The following AUTS2 variants were observed in gnomAD, a reference collection of about 807,000 sequenced individuals.
The protein encoded by AUTS2 is autism susceptibility gene 2 protein.
AUTS2 carries 17 observed loss-of-function variants against 112.4 expected under a neutral mutation model. The ratio of observed to expected loss-of-function variants is 0.15; its 90% CI spans 0.10 to 0.23. The LOEUF is 0.23. Among genes scored for constraint, AUTS2 ranks in the 10% least tolerant of loss-of-function variants. The pLI is 1.00. For missense variants in AUTS2, 1,510 were observed against 1,701.6 expected (o/e 0.89, Z 1.98); for synonymous variants, 751 against 702.7 (o/e 1.07, Z -1.09).
intron 5 of AUTS2, among the ~76,000 whole-genome samples, chr7:70,474,906 C>T (rs922604523): frequency 1.3e-5 from 2 of 152,194 alleles, no homozygotes; most frequent in Non-Finnish European, 2.9e-5. Flanking sequence ...CTGGCTCATA[C>T]TCCTTTGGGG....
At chr7:70,414,971 T>C (rs1276134456) in intron 4 of AUTS2, among the ~76,000 whole-genome samples, 2 of 152,200 alleles carry the variant, frequency 1.3e-5, no homozygotes, top group Non-Finnish European at 2.9e-5. Context: ...AGCAAAGAGC[T>C]CACTGTTTGG....
chr7:70,210,062 G>A (rs1010421738), intron 4 of AUTS2, among the ~76,000 whole-genome samples: 7 of 152,214 alleles, frequency 4.6e-5, no homozygotes, highest in Middle Eastern at 3.4e-3. Flanking sequence ...TGGGGTATAG[G>A]AATTAAACCG....
In AUTS2 at chr7:69,995,464, G is replaced by T. The variant is rs1338919903; in HGVS notation, c.522+95966G>T. On this transcript the variant is annotated intron_variant, in intron 2 of 18. Coordinates refer to ENST00000342771, the MANE Select transcript of AUTS2 (RefSeq NM_015570.4). ...AAAAAATAGAAATTAAATACCGACT[G>T]ACTATGAAGGAGGACATTTTTCAGA... 2.6e-5 allele frequency among the ~76,000 whole-genome samples: 4 copies of T among 152,194 alleles called. No individual in the cohort carries two copies. The East Asian group carries it at 7.7e-4, about 29-fold the overall frequency.
chr7:70,476,192 T>C (rs1797575332), intron 5 of AUTS2, among the ~76,000 whole-genome samples: 1 of 152,146 alleles, frequency 6.6e-6, no homozygotes, highest in Non-Finnish European at 1.5e-5. Flanking sequence ...ACAAAGTAGA[T>C]GGTGCTAGAC....
Position 70,791,097 on chromosome 7 carries a change from G to C in AUTS2, c.*101G>C, listed in dbSNP as rs937403154. On this transcript the variant is annotated 3_prime_UTR_variant, in exon 19 of 19. Transcript: ENST00000342771. ...TGCATGGCTCACACAGACTGGGGGG[G>C]AAAGCCCCACCCCTTCCCCTTGTAA... The C allele has an allele frequency of 2.5e-6, 3 of 1,200,598 alleles. No individual in the cohort carries two copies. The highest frequency in any genetic ancestry group is 2.9e-5 in the East Asian group (1 of 34,670). The allele number at this position is 1,200,598 out of a possible 1,614,324, so 74.4% of individuals were successfully genotyped here.
At chr7:70,204,174 C>A (rs923754268) in intron 4 of AUTS2, among the ~76,000 whole-genome samples, 12 of 152,230 alleles carry the variant, frequency 7.9e-5, no homozygotes, top group African/African-American at 2.6e-4. Flanking sequence ...GCCATTTGAA[C>A]AAGGAATGTG....
At chr7:70,152,590 G>A (rs1438166797) in intron 4 of AUTS2, among the ~76,000 whole-genome samples, 1 of 152,050 alleles carries the variant, frequency 6.6e-6, no homozygotes, top group Admixed American at 6.6e-5. Context: ...GAACAGTTTT[G>A]CAAAGTTTGT....
At chr7:70,738,752 A>G (rs1010759287) in intron 6 of AUTS2, among the ~76,000 whole-genome samples, 2 of 152,154 alleles carry the variant, frequency 1.3e-5, no homozygotes, top group African/African-American at 4.8e-5. Context: ...ATTTTTCTCT[A>G]TTGGAAAGGA....
At chr7:70,415,583 A>G (rs1223261782) in intron 4 of AUTS2, among the ~76,000 whole-genome samples, 1 of 152,198 alleles carries the variant, frequency 6.6e-6, no homozygotes, top group African/African-American at 2.4e-5. Flanking sequence ...ATCGTTGTTT[A>G]AGATCTGGTG....
intron 1 of AUTS2, among the ~76,000 whole-genome samples, chr7:69,693,932 A>C (rs1584084972): frequency 6.6e-6 from 1 of 152,148 alleles, no homozygotes; most frequent in African/African-American, 2.4e-5. Context: ...GGGTGATTCT[A>C]ATGCCTGCTA....
chr7:69,692,575 T>C (rs567889590), intron 1 of AUTS2, among the ~76,000 whole-genome samples: 1 of 152,370 alleles, frequency 6.6e-6, no homozygotes, highest in Admixed American at 6.5e-5. Flanking sequence ...TTATCTGTTG[T>C]CTCTTCAGTT....
At chr7:70,405,546 A>G (rs889848854) in intron 4 of AUTS2, among the ~76,000 whole-genome samples, 2 of 152,242 alleles carry the variant, frequency 1.3e-5, no homozygotes, top group African/African-American at 4.8e-5. Flanking sequence ...GAGTCCCAGC[A>G]TATGATAGAA....
intron 5 of AUTS2, among the ~76,000 whole-genome samples, chr7:70,479,628 G>A (rs921716939): frequency 1.7e-5 from 2 of 116,514 alleles, no homozygotes; most frequent in African/African-American, 8.1e-5. Flanking sequence ...ATAATATCAT[G>A]TAGTACCTGA....
At chr7:69,991,593 T>G (rs1360919335) in intron 2 of AUTS2, among the ~76,000 whole-genome samples, 1 of 152,240 alleles carries the variant, frequency 6.6e-6, no homozygotes, top group Non-Finnish European at 1.5e-5. Context: ...AATTATATGT[T>G]GTTTACCACA....
chr7:70,626,899 T>C (rs1240812403), intron 5 of AUTS2, among the ~76,000 whole-genome samples: 1 of 152,228 alleles, frequency 6.6e-6, no homozygotes, highest in Non-Finnish European at 1.5e-5. Flanking sequence ...TTACACTGTC[T>C]TTATCCAGTC....
At chr7:70,086,757 T>A (rs1803627955) in intron 2 of AUTS2, among the ~76,000 whole-genome samples, 1 of 152,156 alleles carries the variant, frequency 6.6e-6, no homozygotes, top group Admixed American at 6.5e-5. Context: ...TTTTATAAAT[T>A]TTAATTTCTA....
chr7:70,583,763 T>G (rs1188220885), intron 5 of AUTS2, among the ~76,000 whole-genome samples: 1 of 152,190 alleles, frequency 6.6e-6, no homozygotes, highest in Non-Finnish European at 1.5e-5. Context: ...GGGCGAGCCT[T>G]TCTTTGTGGA....
intron 5 of AUTS2, among the ~76,000 whole-genome samples, chr7:70,551,670 A>G (rs948178597): frequency 6.6e-6 from 1 of 152,236 alleles, no homozygotes; most frequent in African/African-American, 2.4e-5. Flanking sequence ...GAGCAAAGAT[A>G]CTAAGTACAA....
At chr7:70,088,589 G>A (rs1803741767) in intron 2 of AUTS2, among the ~76,000 whole-genome samples, 2 of 143,950 alleles carry the variant, frequency 1.4e-5, no homozygotes, top group Admixed American at 1.4e-4. Context: ...GACCCACCTT[G>A]TTTGTTTGTT....
Sources: gnomAD v4.1 joint callset for allele counts (sites outside exome capture counted in the v4.1 genomes callset) on GRCh38, gnomAD v4.1.1 for gene constraint, MANE v1.5 for transcripts, NCBI Gene and HGNC (gene_info 2026-07-23, HGNC 2026-07-21) for gene names.